Variants in COL5A2 observed in about 807,000 individuals in gnomAD.
The protein encoded by COL5A2 is collagen alpha-2(V) chain.
Under a neutral mutation model 208.2 loss-of-function variants are expected in COL5A2, and 23 were observed. The observed-to-expected ratio is 0.11, with a 90% confidence interval of 0.08 to 0.16. The LOEUF (loss-of-function observed/expected upper bound fraction) is 0.16, where lower values mean the gene tolerates loss of function less well. Ranked by LOEUF, COL5A2 falls within the 10% of genes least tolerant of loss-of-function variation. The pLI is 1.00. For synonymous variants in COL5A2, 625 were observed against 628.5 expected, an observed-to-expected ratio of 0.99 and a Z score of 0.08; for missense variants, 1,590 against 1,956.4, an observed-to-expected ratio of 0.81 and a Z score of 3.53.
chr2:189,110,146 G>A (rs1687230692), intron 2 of COL5A2, 79 bp downstream of exon 2: 2 of 1,084,502 alleles, frequency 1.8e-6, no homozygotes, highest in Non-Finnish European at 2.9e-6. Context: ...TTGAGTTGCT[G>A]AATGCTGAAA....
chr2:189,183,847 T>A (rs140155728), upstream of COL5A2, among the ~76,000 whole-genome samples: 321 of 152,310 alleles, frequency 2.1e-3, no homozygotes, highest in East Asian at 0.021. Context: ...TGTTGTTTTA[T>A]CCGGAGGAAA....
the COL5A2 span, among the ~76,000 whole-genome samples, chr2:189,438,372 A>T: frequency 9.2e-5 from 14 of 152,230 alleles, no homozygotes; most frequent in African/African-American, 3.4e-4. Context: ...TATTTATCCT[A>T]GAAAAATAAA....
At chr2:189,150,953 C>A (rs1688130323) in intron 1 of COL5A2, among the ~76,000 whole-genome samples, 1 of 152,132 alleles carries the variant, frequency 6.6e-6, no homozygotes, top group South Asian at 2.1e-4. Flanking sequence ...AGATTTTCCA[C>A]AGGGAATCCC....
intron 18 of COL5A2, 64 bp downstream of exon 18, chr2:189,071,976 C>T: frequency 9.2e-7 from 1 of 1,087,036 alleles, no homozygotes; most frequent in Non-Finnish European, 1.4e-6. Context: ...AAATGTCATT[C>T]TTCACTTTGG....
chr2:189,097,552 T>G (rs2105683896), intron 5 of COL5A2: 2 of 677,528 alleles, frequency 3.0e-6, no homozygotes, highest in East Asian at 2.8e-5. Context: ...AAGAACTAGG[T>G]GCACATTATG....
At chr2:189,386,634 CAAAT>C in the COL5A2 span, among the ~76,000 whole-genome samples, 1 of 151,876 alleles carries the variant, frequency 6.6e-6, no homozygotes, top group East Asian at 1.9e-4. Flanking sequence ...AAGCAAAAAA[CAAAT>C]AACCCCATTA....
intron 5 of COL5A2, 25 bp from the exon 6 acceptor site, chr2:189,097,355 C>T (rs748462961): frequency 6.2e-7 from 1 of 1,612,464 alleles, no homozygotes; most frequent in South Asian, 1.1e-5. Flanking sequence ...GATGATTATG[C>T]ATGCAAAAAT....
At chr2:189,395,279 A>G in the COL5A2 span, among the ~76,000 whole-genome samples, 51 of 152,360 alleles carry the variant, frequency 3.3e-4, no homozygotes, top group South Asian at 0.01. Context: ...TACATTATGA[A>G]TTAAAATGAA....
chr2:189,363,996 G>C, the COL5A2 span, among the ~76,000 whole-genome samples: 2 of 152,162 alleles, frequency 1.3e-5, no homozygotes, highest in Non-Finnish European at 2.9e-5. Flanking sequence ...CTTAAATGTA[G>C]AAAACCAGAA....
At chr2:189,327,980 G>A in the COL5A2 span, among the ~76,000 whole-genome samples, 62 of 152,040 alleles carry the variant, frequency 4.1e-4, 1 homozygote, top group Non-Finnish European at 5.9e-4. Flanking sequence ...GAATTTAATG[G>A]CATGTTTATC....
chr2:189,289,810 T>G, the COL5A2 span, among the ~76,000 whole-genome samples: 1 of 152,098 alleles, frequency 6.6e-6, no homozygotes, highest in East Asian at 1.9e-4. Flanking sequence ...ACCAAAGTAA[T>G]AAAATACTTA....
At chr2:189,143,282 A>C (rs1687971426) in intron 1 of COL5A2, among the ~76,000 whole-genome samples, 1 of 152,202 alleles carries the variant, frequency 6.6e-6, no homozygotes, top group Non-Finnish European at 1.5e-5. Flanking sequence ...TACTGGAAGA[A>C]GGAATGCCTT....
chr2:189,295,573 C>G, the COL5A2 span, among the ~76,000 whole-genome samples: 1 of 152,140 alleles, frequency 6.6e-6, no homozygotes, highest in African/African-American at 2.4e-5. Flanking sequence ...TGAGATCACA[C>G]CACTGCACTC....
At chr2:189,238,427 A>C in the COL5A2 span, among the ~76,000 whole-genome samples, 4 of 152,154 alleles carry the variant, frequency 2.6e-5, no homozygotes, top group African/African-American at 9.7e-5. Context: ...TCCAGTAGGA[A>C]ATAAGATTCT....
chr2:189,052,056 TTAAATAAGAAAACA>T, intron 41 of COL5A2, 102 bp downstream of exon 41: 1 of 823,780 alleles, frequency 1.2e-6, no homozygotes. Flanking sequence ...ATAAGAGTTG[TTAAATAAGAAAACA>T]TACCATTAAG....
the COL5A2 span, among the ~76,000 whole-genome samples, chr2:189,372,794 C>T: frequency 6.6e-6 from 1 of 152,060 alleles, no homozygotes; most frequent in Non-Finnish European, 1.5e-5. Flanking sequence ...TCTGATGAAG[C>T]ATTTTTAATA....
intron 16 of COL5A2, among the ~76,000 whole-genome samples, chr2:189,077,183 A>T (rs1168614861): frequency 2.6e-5 from 4 of 152,150 alleles, no homozygotes; most frequent in Non-Finnish European, 5.9e-5. Flanking sequence ...GTTGAAGATG[A>T]TACCTAAGCC....
chr2:189,431,299 G>A, the COL5A2 span, among the ~76,000 whole-genome samples: 74 of 152,194 alleles, frequency 4.9e-4, no homozygotes, highest in Middle Eastern at 3.4e-3. Flanking sequence ...CCAAAGGATC[G>A]CAGCTCCTCA....
rs1198104925 is a variant in COL5A2 at position 189,057,019 on chromosome 2, A to T, written c.2345T>A (p.Ile782Lys). 1 of 1,613,890 alleles carries T rather than the reference A, an allele frequency of 6.2e-7. No homozygotes were observed. Among genetic ancestry groups the T allele is most frequent in the Non-Finnish European group, 8.5e-7 (1 of 1,179,834 alleles). Residue 782 changes from isoleucine to lysine, a missense_variant, in exon 35 of 54, where the codon ATA (isoleucine) becomes AAA (lysine). By Grantham distance (102) the Ile-to-Lys change is moderately radical (BLOSUM62 -3). Transcript: ENST00000374866. ...TPGPKGDRGG[I>K]GEKGAEGTAG... Reference sequence around the variant, plus strand: ...TGTGCCTTCAGCACCTTTTTCTCCTATGCCACCCTGGGAAAACACACAAAA... The same window carrying T: ...TGTGCCTTCAGCACCTTTTTCTCCTTTGCCACCCTGGGAAAACACACAAAA...
Sources: gnomAD v4.1 joint callset for allele counts (sites outside exome capture counted in the v4.1 genomes callset) on GRCh38, gnomAD v4.1.1 for gene constraint, MANE v1.5 for transcripts, NCBI Gene and HGNC (gene_info 2026-07-23, HGNC 2026-07-21) for gene names.